The following PCDHA1 variants were observed in gnomAD, a reference collection of about 807,000 sequenced individuals.
PCDHA1 encodes protocadherin alpha-1.
A neutral mutation model predicts 61.3 loss-of-function variants in PCDHA1; 42 were observed. That is an observed-to-expected ratio of 0.69 (90% CI 0.54 to 0.89). PCDHA1 has a LOEUF of 0.89. Ranked by LOEUF, PCDHA1 falls within the 40% of genes least tolerant of loss-of-function variation. The pLI, the probability that PCDHA1 is intolerant of heterozygous loss-of-function variation, is 0.00. For synonymous variants in PCDHA1, 610 were observed against 553.8 expected (o/e 1.10, Z -1.43); for missense variants, 1,256 against 1,235.3 (o/e 1.02, Z -0.25).
chr5:140,817,932 G>A (rs2150099646), intron 1 of PCDHA1, among the ~76,000 whole-genome samples: 2 of 152,206 alleles, frequency 1.3e-5, no homozygotes, highest in South Asian at 4.2e-4. Flanking sequence ...TGAGATGATG[G>A]CTGTCAAGTT....
At chr5:140,823,196 T>A in intron 1 of PCDHA1, 1 of 1,613,812 alleles carries the variant, frequency 6.2e-7, no homozygotes, top group Non-Finnish European at 8.5e-7. Flanking sequence ...TGCCACATCT[T>A]CACGGTGTCT....
intron 1 of PCDHA1, chr5:140,870,851 C>A: frequency 6.2e-7 from 1 of 1,613,838 alleles, no homozygotes; most frequent in Non-Finnish European, 8.5e-7. Flanking sequence ...GTACCGCGGT[C>A]GGTGGGTGCG....
chr5:140,976,190 C>T (rs1402016343), intron 1 of PCDHA1, among the ~76,000 whole-genome samples: 17 of 152,040 alleles, frequency 1.1e-4, no homozygotes, highest in African/African-American at 4.1e-4. Context: ...AATCAATATC[C>T]TGGAAACTCA....
chr5:140,880,689 T>C lies in PCDHA1; in HGVS notation c.2394+92005T>C, dbSNP rs957358698. 1.2e-4 allele frequency among the ~76,000 whole-genome samples: 18 copies of C among 152,326 alleles called. No homozygotes were observed. In the South Asian group the frequency reaches 3.7e-3, roughly 32 times the overall value. Reference sequence around the variant, plus strand: ...AGAGTAAATTTGAAGAGAATAGTCATGGTTAAGTGACAATGTTGAGCAGCT... The same window carrying C: ...AGAGTAAATTTGAAGAGAATAGTCACGGTTAAGTGACAATGTTGAGCAGCT... On this transcript the variant is annotated intron_variant, in intron 1 of 3. Transcript: ENST00000504120.
intron 1 of PCDHA1, among the ~76,000 whole-genome samples, chr5:140,925,685 G>A (rs1584406507): frequency 7.3e-6 from 1 of 137,694 alleles, no homozygotes; most frequent in South Asian, 2.3e-4. Flanking sequence ...ATAAAGCGAG[G>A]GTGGGTATCT....
intron 1 of PCDHA1, among the ~76,000 whole-genome samples, chr5:140,791,255 A>G (rs1554118639): frequency 6.6e-6 from 1 of 152,224 alleles, no homozygotes; most frequent in Non-Finnish European, 1.5e-5. Flanking sequence ...CCTTTGGCCA[A>G]TGAAATGTGA....
intron 1 of PCDHA1, among the ~76,000 whole-genome samples, chr5:140,878,484 A>G (rs1285844908): frequency 6.6e-6 from 1 of 152,190 alleles, no homozygotes; most frequent in African/African-American, 2.4e-5. Flanking sequence ...CAATTTAAAA[A>G]TATTTAACCA....
chr5:140,789,218 G>A (rs1357136209), intron 1 of PCDHA1, among the ~76,000 whole-genome samples: 3 of 152,228 alleles, frequency 2.0e-5, no homozygotes, highest in African/African-American at 7.2e-5. Flanking sequence ...GGGAGGCCGA[G>A]GAGGGCGTAT....
chr5:140,901,852 T>G (rs1184166361), intron 1 of PCDHA1, among the ~76,000 whole-genome samples: 3 of 152,206 alleles, frequency 2.0e-5, no homozygotes, highest in Non-Finnish European at 4.4e-5. Flanking sequence ...TCTTTCCATT[T>G]TTTTGTGTCC....
At chr5:141,003,486 T>C (rs1563677160) in intron 3 of PCDHA1, among the ~76,000 whole-genome samples, 2 of 152,054 alleles carry the variant, frequency 1.3e-5, no homozygotes. Flanking sequence ...CTAATTTTTA[T>C]AGTTTTAGTA....
intron 1 of PCDHA1, among the ~76,000 whole-genome samples, chr5:140,845,336 T>C (rs2150378543): frequency 6.7e-6 from 1 of 149,694 alleles, no homozygotes; most frequent in Non-Finnish European, 1.5e-5. Context: ...TACTGAATTC[T>C]CCTAAACATT....
intron 1 of PCDHA1, among the ~76,000 whole-genome samples, chr5:140,971,716 A>G (rs1554233565): frequency 1.3e-5 from 2 of 152,026 alleles, no homozygotes; most frequent in African/African-American, 4.8e-5. Context: ...ATATAGATAT[A>G]TGTATATCAT....
At chr5:140,802,527 G>A in intron 1 of PCDHA1, 1 of 1,614,216 alleles carries the variant, frequency 6.2e-7, no homozygotes, top group Non-Finnish European at 8.5e-7. Context: ...CGTGTCCGTG[G>A]AGGTGGCCGA....
rs1209791227 is a variant in PCDHA1, at chr5:140,923,921, C to A, written c.2395-55028C>A. Among the ~76,000 whole-genome samples, 3 of 152,180 alleles carry A rather than the reference C, an allele frequency of 2.0e-5. No individual in the cohort carries two copies. The East Asian group carries it at 5.8e-4, about 29-fold the overall frequency. On this transcript the variant is annotated intron_variant, in intron 1 of 3. Transcript: ENST00000504120. ...TTCTGTGAAGATTTCCCATACTGTT[C>A]TCTGTATGCATTTTTCCTTTTTTCC...
chr5:140,899,259 G>C (rs2067235630), intron 1 of PCDHA1, among the ~76,000 whole-genome samples: 1 of 152,126 alleles, frequency 6.6e-6, no homozygotes, highest in African/African-American at 2.4e-5. Context: ...GGGCATCCCT[G>C]TCTTGTGGCA....
At chr5:140,790,067 A>G (rs1398393657) in intron 1 of PCDHA1, among the ~76,000 whole-genome samples, 1 of 152,236 alleles carries the variant, frequency 6.6e-6, no homozygotes, top group Non-Finnish European at 1.5e-5. Context: ...AAGTCAATAT[A>G]GAAGTATGAA....
At chr5:140,941,185 C>CTTTT (rs782102770) in intron 1 of PCDHA1, among the ~76,000 whole-genome samples, 28 of 102,174 alleles carry the variant, frequency 2.7e-4, no homozygotes, top group African/African-American at 6.8e-4. Flanking sequence ...CATCCTGCTT[C>CTTTT]TTTTTTTTTC....
intron 1 of PCDHA1, among the ~76,000 whole-genome samples, chr5:140,819,662 A>T (rs1383608520): frequency 6.6e-6 from 1 of 152,134 alleles, no homozygotes; most frequent in East Asian, 1.9e-4. Flanking sequence ...TATTCAAAAT[A>T]AGAGTTGATC....
At position 140,876,752 on chromosome 5, in the gene PCDHA1, C is replaced by G. The variant is rs374137138; in HGVS notation, c.2394+88068C>G. On this transcript the variant is annotated intron_variant, in intron 1 of 3. Coordinates refer to ENST00000504120, the MANE Select transcript of PCDHA1 (RefSeq NM_018900.4). ...TCGGCCTATGAGCTGGTGGTGACTGCGCGGGATGGGGGCTCGCCTTCGCTG... is the reference window on the plus strand; with the variant it reads ...TCGGCCTATGAGCTGGTGGTGACTGGGCGGGATGGGGGCTCGCCTTCGCTG... 1.4e-5 allele frequency: 23 copies of G among 1,614,194 alleles called. No homozygotes were observed. The African/African-American group carries it at 2.8e-4, about 20-fold the overall frequency.
Sources: allele counts gnomAD v4.1 joint callset (sites outside exome capture counted in the v4.1 genomes callset), GRCh38; gene constraint gnomAD v4.1.1; transcripts MANE v1.5; gene names NCBI Gene and HGNC (gene_info 2026-07-23, HGNC 2026-07-21).